The following ADAMTS18 variants were observed in gnomAD, a reference collection of about 807,000 sequenced individuals.
The protein encoded by ADAMTS18 is A disintegrin and metalloproteinase with thrombospondin motifs 18.
In ADAMTS18, 157 loss-of-function variants were observed where a neutral mutation model predicts 165.9. That is an observed-to-expected ratio of 0.95 (90% CI 0.83 to 1.08). The LOEUF (loss-of-function observed/expected upper bound fraction) is 1.08. Ranked by LOEUF, ADAMTS18 falls within the 50% of genes least tolerant of loss-of-function variation. ADAMTS18 has a pLI of 0.00. For missense variants in ADAMTS18, 2,040 were observed against 1,534.0 expected, an observed-to-expected ratio of 1.33 and a Z score of -5.51; for synonymous variants, 782 against 578.2, an observed-to-expected ratio of 1.35 and a Z score of -5.06.
chr16:77,289,843 T>TCTGGAATTAGGTCC (rs1423511632), intron 21 of ADAMTS18, among the ~76,000 whole-genome samples: 1 of 152,160 alleles, frequency 6.6e-6, no homozygotes, highest in Non-Finnish European at 1.5e-5. Flanking sequence ...CAGAGACAGC[T>TCTGGAATTAGGTCC]CTGGAATTAG....
At chr16:77,351,691 A>G (rs1371111494) in intron 10 of ADAMTS18, among the ~76,000 whole-genome samples, 1 of 152,234 alleles carries the variant, frequency 6.6e-6, no homozygotes, top group Non-Finnish European at 1.5e-5. Context: ...AACTTCTGCC[A>G]AAACCATCAA....
chr16:77,396,865 G>T (rs954127536), intron 3 of ADAMTS18, among the ~76,000 whole-genome samples: 1 of 151,340 alleles, frequency 6.6e-6, no homozygotes, highest in Non-Finnish European at 1.5e-5. Flanking sequence ...GCAGTGCAGT[G>T]GCACAATCTT....
chr16:77,325,935 A>G lies in ADAMTS18; in HGVS notation c.1963T>C (p.Cys655Arg). Reference sequence around the variant, plus strand: ...AAAGGTTTGCTGTTATATTCTGCACACTGTTGAGCCCGAAAATCCAAGCTA... The same window carrying G: ...AAAGGTTTGCTGTTATATTCTGCACGCTGTTGAGCCCGAAAATCCAAGCTA... ...ENSLDFRAQQ[C>R]AEYNSKPFRG... The change falls in exon 13 of 23, where the codon TGT becomes CGT. Residue 655 changes from cysteine (C) to arginine (R), a missense_variant. Coordinates refer to ENST00000282849, the MANE Select transcript of ADAMTS18 (RefSeq NM_199355.4). 1 of 1,614,110 alleles carries G rather than the reference A, an allele frequency of 6.2e-7. No homozygotes were observed. The highest frequency in any genetic ancestry group is 1.1e-5 in the South Asian group (1 of 91,076).
Position 77,300,274 on chromosome 16 carries a change from G to A in ADAMTS18, c.2663C>T (p.Ser888Phe), listed in dbSNP as rs1054605563. 1 of 1,613,978 alleles carries A rather than the reference G, an allele frequency of 6.2e-7. No homozygotes were observed. The highest frequency in any genetic ancestry group is 1.3e-5 in the African/African-American group (1 of 74,918). ...AGAAAATCATCTACCTCCACCACAG[G>A]AGACGGAGCACTCTGACTGCACGAT... ...WSIVQSECSV[S>F]CGGGYINVKA... The change falls in exon 17 of 23, where the codon TCC becomes TTC. Residue 888 changes from serine (S) to phenylalanine (F), a missense_variant. Coordinates refer to ENST00000282849, the MANE Select transcript of ADAMTS18 (RefSeq NM_199355.4).
intron 16 of ADAMTS18, among the ~76,000 whole-genome samples, chr16:77,317,012 G>A (rs1909801): frequency 0.93 from 141,309 of 152,198 alleles, 65,684 homozygotes; most frequent in African/African-American, 0.96. Context: ...AATTTCCTCT[G>A]CTCTTTACCT....
Position 77,348,411 on chromosome 16 carries a change from T to C in ADAMTS18, c.1614+5322A>G, listed in dbSNP as rs141062824. 2.6e-5 allele frequency among the ~76,000 whole-genome samples: 4 copies of C among 152,222 alleles called. No individual in the cohort carries two copies. The East Asian group carries it at 7.7e-4, about 29-fold the overall frequency. On this transcript the variant is annotated intron_variant, in intron 10 of 22. Coordinates refer to ENST00000282849, the MANE Select transcript of ADAMTS18 (RefSeq NM_199355.4). ...CAGGTAGAGGAGGCAAACACAAGTC[T>C]CCCATCCGAGGCAGGCAACCTCCAG...
intron 3 of ADAMTS18, among the ~76,000 whole-genome samples, chr16:77,400,424 TTGTGTGTGTGTGTGTG>T (rs145473637): frequency 7.4e-6 from 1 of 136,050 alleles, no homozygotes; most frequent in African/African-American, 2.9e-5. Context: ...TCAGGGGGAA[TTGTGTGTGTGTGTGTG>T]TGTGTGTGTG....
At chr16:77,322,897 T>A (rs2056028821) in intron 13 of ADAMTS18, among the ~76,000 whole-genome samples, 1 of 152,144 alleles carries the variant, frequency 6.6e-6, no homozygotes, top group Non-Finnish European at 1.5e-5. Flanking sequence ...ATGACCCTGA[T>A]TTAGAGCATG....
rs780383584 is a variant in ADAMTS18 at position 77,341,807 on chromosome 16, A to T, written c.1615-8T>A. On this transcript the variant is annotated splice_polypyrimidine_tract_variant and splice_region_variant and intron_variant, in intron 10 of 22. Coordinates refer to ENST00000282849, the MANE Select transcript of ADAMTS18 (RefSeq NM_199355.4). The stretch of plus-strand genomic sequence containing the variant: ...AAGTGATTTGCAAATATCCTGAAAT[A>T]AAAAAAAAGGGGGGTGCTGTTAATG... 46 of 1,480,056 alleles carry T rather than the reference A, an allele frequency of 3.1e-5. No individual in the cohort carries two copies. In the Admixed American group the frequency reaches 4.8e-4, roughly 16 times the overall value. 91.7% of individuals were successfully genotyped at this position (1,480,056 alleles called of 1,614,324 possible).
At chr16:77,391,604 G>T (rs558977753) in intron 3 of ADAMTS18, among the ~76,000 whole-genome samples, 1 of 152,224 alleles carries the variant, frequency 6.6e-6, no homozygotes, top group African/African-American at 2.4e-5. Context: ...GGAAGAGGGG[G>T]AAGAGTCATC....
At chr16:77,374,274 T>C (rs1167937604) in intron 3 of ADAMTS18, among the ~76,000 whole-genome samples, 5 of 150,648 alleles carry the variant, frequency 3.3e-5, no homozygotes, top group Non-Finnish European at 7.4e-5. Flanking sequence ...AGAGTGGAGG[T>C]GATGCTGAAG....
chr16:77,431,215 A>G, intron 3 of ADAMTS18, 80 bp downstream of exon 3: 1 of 1,494,588 alleles, frequency 6.7e-7, no homozygotes, highest in Non-Finnish European at 9.3e-7. Flanking sequence ...CTGGAAGAGC[A>G]TTTATATTGC....
At chr16:77,336,778 T>C (rs1365237358) in intron 11 of ADAMTS18, among the ~76,000 whole-genome samples, 1 of 152,192 alleles carries the variant, frequency 6.6e-6, no homozygotes, top group African/African-American at 2.4e-5. Flanking sequence ...TTTGTTTTTG[T>C]TTTATTTTTT....
intron 3 of ADAMTS18, among the ~76,000 whole-genome samples, chr16:77,414,589 T>C (rs1356629393): frequency 6.6e-6 from 1 of 152,174 alleles, no homozygotes; most frequent in Non-Finnish European, 1.5e-5. Context: ...ATTTCTACTG[T>C]ACAGCGCTAG....
At chr16:77,324,845 G>C (rs2056064767) in intron 13 of ADAMTS18, among the ~76,000 whole-genome samples, 1 of 152,114 alleles carries the variant, frequency 6.6e-6, no homozygotes, top group Admixed American at 6.6e-5. Flanking sequence ...AACCTCTATA[G>C]GTACCTCATT....
chr16:77,426,237 G>T (rs992704345), intron 3 of ADAMTS18, among the ~76,000 whole-genome samples: 6 of 151,968 alleles, frequency 3.9e-5, no homozygotes, highest in Admixed American at 2.0e-4. Flanking sequence ...TATTCCTGGA[G>T]CATCTCTTAA....
chr16:77,338,818 G>C (rs1716762833), intron 11 of ADAMTS18, among the ~76,000 whole-genome samples: 1 of 151,868 alleles, frequency 6.6e-6, no homozygotes, highest in Admixed American at 6.6e-5. Context: ...GCCGGGCGTG[G>C]TGGCGGGCAC....
intron 17 of ADAMTS18, among the ~76,000 whole-genome samples, chr16:77,299,358 C>T (rs1317798581): frequency 6.6e-6 from 1 of 152,132 alleles, no homozygotes; most frequent in Non-Finnish European, 1.5e-5. Context: ...AAATGTATTA[C>T]CTTTTAATTA....
chr16:77,302,004 C>CTTTTTTTTT (rs4038557), intron 16 of ADAMTS18, among the ~76,000 whole-genome samples: 1 of 128,816 alleles, frequency 7.8e-6, no homozygotes, highest in African/African-American at 2.9e-5. Context: ...CTAGTCTTTG[C>CTTTTTTTTT]TTTTTTTTTT....
Sources: allele counts gnomAD v4.1 joint callset (sites outside exome capture counted in the v4.1 genomes callset), GRCh38; gene constraint gnomAD v4.1.1; transcripts MANE v1.5; gene names NCBI Gene and HGNC (gene_info 2026-07-23, HGNC 2026-07-21).